The following NR6A1 variants were observed in gnomAD, a reference collection of about 807,000 sequenced individuals.
The protein encoded by NR6A1 is nuclear receptor subfamily 6 group A member 1.
NR6A1 carries 7 observed loss-of-function variants against 59.1 expected under a neutral mutation model. The ratio of observed to expected loss-of-function variants is 0.12; its 90% CI spans 0.07 to 0.22. The LOEUF (loss-of-function observed/expected upper bound fraction) is 0.22. Among genes scored for constraint, NR6A1 ranks in the 10% least tolerant of loss-of-function variants. NR6A1 has a pLI of 1.00. For missense variants in NR6A1, 468 were observed against 611.6 expected, an observed-to-expected ratio of 0.77 and a Z score of 2.48; for synonymous variants, 243 against 236.1, an observed-to-expected ratio of 1.03 and a Z score of -0.27.
At chr9:124,739,612 A>ACATTTGACAAAAAGG (rs1398552312) in intron 1 of NR6A1, among the ~76,000 whole-genome samples, 31 of 152,344 alleles carry the variant, frequency 2.0e-4, no homozygotes, top group Non-Finnish European at 3.7e-4. Flanking sequence ...GCACCACCAC[A>ACATTTGACAAAAAGG]CATTTGACAA....
intron 2 of NR6A1, among the ~76,000 whole-genome samples, chr9:124,634,800 C>T (rs919326730): frequency 1.3e-5 from 2 of 151,880 alleles, no homozygotes; most frequent in African/African-American, 4.8e-5. Flanking sequence ...CCAGCCTGGG[C>T]GACAGAGCAA....
At chr9:124,604,770 T>C (rs1835533817) in intron 2 of NR6A1, among the ~76,000 whole-genome samples, 1 of 151,918 alleles carries the variant, frequency 6.6e-6, no homozygotes, top group African/African-American at 2.4e-5. Context: ...GCAGAGATCG[T>C]GTCACTGCAT....
At chr9:124,554,627 T>C (rs1181582200) in intron 2 of NR6A1, 57 bp from the exon 3 acceptor site, 2 of 1,608,114 alleles carry the variant, frequency 1.2e-6, no homozygotes, top group Non-Finnish European at 1.7e-6. Flanking sequence ...CTACAGTTCC[T>C]AAAGTGAGCA....
intron 2 of NR6A1, among the ~76,000 whole-genome samples, chr9:124,642,905 A>G (rs1276952566): frequency 6.6e-6 from 1 of 152,228 alleles, no homozygotes; most frequent in East Asian, 1.9e-4. Flanking sequence ...GGCAGGCTTG[A>G]AGAACCAGAG....
intron 2 of NR6A1, among the ~76,000 whole-genome samples, chr9:124,732,903 G>A (rs895023858): frequency 6.6e-6 from 1 of 152,042 alleles, no homozygotes; most frequent in Non-Finnish European, 1.5e-5. Context: ...CACTATGTTG[G>A]CCAAGCTGGT....
At position 124,744,904 on chromosome 9, in the gene NR6A1, CAA is replaced by C. The variant is rs1218951208; in HGVS notation, c.101-11557_101-11556del. Among the ~76,000 whole-genome samples the C allele has an allele frequency of 2.0e-5, 3 of 152,114 alleles. No individual in the cohort carries two copies. In the East Asian group the frequency reaches 5.8e-4, roughly 29 times the overall value. The stretch of plus-strand genomic sequence containing the variant: ...TCCATTAGTAAGGTGCAGATACCAC[CAA>C]AGAGATGTCCCACATGTGGCAGAAT... On this transcript the variant is annotated intron_variant, in intron 1 of 9. Coordinates refer to ENST00000487099, the MANE Select transcript of NR6A1 (RefSeq NM_033334.4).
chr9:124,623,016 G>A (rs1457505369), intron 2 of NR6A1, among the ~76,000 whole-genome samples: 1 of 152,170 alleles, frequency 6.6e-6, no homozygotes, highest in African/African-American at 2.4e-5. Context: ...TCAGGGCCAG[G>A]CAATACTACT....
intron 2 of NR6A1, among the ~76,000 whole-genome samples, chr9:124,577,946 G>C (rs1029030899): frequency 1.3e-5 from 2 of 152,204 alleles, no homozygotes; most frequent in African/African-American, 4.8e-5. Flanking sequence ...ATGACTGCTG[G>C]ATCTATTCAT....
chr9:124,599,432 A>G, intron 2 of NR6A1: 1 of 408,498 alleles, frequency 2.4e-6, no homozygotes, highest in South Asian at 1.9e-5. Flanking sequence ...AAAAAAAAAA[A>G]AAAAGTTCCT....
chr9:124,544,086 CTGT>C (rs1833523810), intron 3 of NR6A1, among the ~76,000 whole-genome samples: 1 of 152,256 alleles, frequency 6.6e-6, no homozygotes, highest in East Asian at 1.9e-4. Context: ...ACTACACACA[CTGT>C]ATACATTCAA....
chr9:124,525,010 T>A, intron 8 of NR6A1, 137 bp from the exon 9 acceptor site: 1 of 995,186 alleles, frequency 1.0e-6, no homozygotes, highest in African/African-American at 1.7e-5. Context: ...AGATCTCCTC[T>A]GATAGGGAGG....
intron 2 of NR6A1, among the ~76,000 whole-genome samples, chr9:124,663,082 A>G (rs1485352709): frequency 6.6e-6 from 1 of 152,222 alleles, no homozygotes; most frequent in African/African-American, 2.4e-5. Context: ...TTTTTCCAAG[A>G]AACATTTTAA....
chr9:124,576,578 C>A (rs55909411), intron 2 of NR6A1, among the ~76,000 whole-genome samples: 4 of 152,154 alleles, frequency 2.6e-5, no homozygotes, highest in African/African-American at 9.7e-5. Flanking sequence ...TGAACCACCG[C>A]GCCCAGCCAA....
intron 2 of NR6A1, among the ~76,000 whole-genome samples, chr9:124,577,442 T>C (rs1462465323): frequency 1.3e-5 from 2 of 152,154 alleles, no homozygotes; most frequent in African/African-American, 2.4e-5. Context: ...ACTCTGAGGG[T>C]TGGTGTTTGT....
intron 2 of NR6A1, among the ~76,000 whole-genome samples, chr9:124,710,733 A>C (rs891418920): frequency 1.3e-5 from 2 of 152,218 alleles, no homozygotes; most frequent in Non-Finnish European, 2.9e-5. Flanking sequence ...CTAGTATTCT[A>C]CTAAGCCTAG....
chr9:124,753,124 A>G (rs1409617478), intron 1 of NR6A1, among the ~76,000 whole-genome samples: 1 of 152,188 alleles, frequency 6.6e-6, no homozygotes, highest in Non-Finnish European at 1.5e-5. Context: ...AAATGGTACA[A>G]AGAGAAGGCA....
intron 1 of NR6A1, among the ~76,000 whole-genome samples, chr9:124,761,297 C>G (rs1363301448): frequency 1.3e-5 from 2 of 152,168 alleles, no homozygotes; most frequent in African/African-American, 4.8e-5. Context: ...AATTAGAGCT[C>G]TTAGGAAGGA....
At chr9:124,768,644 T>C (rs1201339884) in intron 1 of NR6A1, among the ~76,000 whole-genome samples, 1 of 152,242 alleles carries the variant, frequency 6.6e-6, no homozygotes, top group Non-Finnish European at 1.5e-5. Context: ...TTAGTCTAAA[T>C]GGATTGCTCG....
At chr9:124,575,295 C>T (rs1382815208) in intron 2 of NR6A1, among the ~76,000 whole-genome samples, 2 of 152,128 alleles carry the variant, frequency 1.3e-5, no homozygotes, top group Non-Finnish European at 2.9e-5. Flanking sequence ...GAGCTTTGGC[C>T]GGGCGCAGTG....
Sources: gnomAD v4.1 joint callset for allele counts (sites outside exome capture counted in the v4.1 genomes callset) on GRCh38, gnomAD v4.1.1 for gene constraint, MANE v1.5 for transcripts, NCBI Gene and HGNC (gene_info 2026-07-23, HGNC 2026-07-21) for gene names.